The following RGS9 variants were observed in gnomAD, a reference collection of about 807,000 sequenced individuals.
RGS9 encodes the protein regulator of G protein signaling 9, also known as regulator of G-protein signalling 9.
Under a neutral mutation model 102.0 loss-of-function variants are expected in RGS9, and 78 were observed. That is an observed-to-expected ratio of 0.76 (90% CI 0.64 to 0.92). RGS9 has a LOEUF of 0.92. Among genes scored for constraint, RGS9 ranks in the 40% least tolerant of loss-of-function variants. The pLI, the probability that RGS9 is intolerant of heterozygous loss-of-function variation, is 0.00. For synonymous variants in RGS9, 353 were observed against 318.6 expected (o/e 1.11, Z -1.15); for missense variants, 833 against 866.1 (o/e 0.96, Z 0.48).
intron 17 of RGS9, among the ~76,000 whole-genome samples, chr17:65,220,654 G>A (rs1913676075): frequency 6.6e-6 from 1 of 152,216 alleles, no homozygotes; most frequent in African/African-American, 2.4e-5. Flanking sequence ...GTGGCCCTCT[G>A]CTCACCTTTC....
chr17:65,177,903 C>A, intron 9 of RGS9, 100 bp downstream of exon 9: 1 of 921,932 alleles, frequency 1.1e-6, no homozygotes, highest in South Asian at 1.3e-5. Flanking sequence ...AACGATATCT[C>A]CTCTTTGAGA....
Position 65,204,214 on chromosome 17 carries a change from C to T in RGS9, c.1116C>T (p.Thr372=), listed in dbSNP as rs1390652060. 6.2e-7 allele frequency: 1 copy of T among 1,613,306 alleles called. No homozygotes were observed. Among genetic ancestry groups the T allele is most frequent in the Admixed American group, 1.7e-5 (1 of 60,028 alleles). ...ARRWINIDGK[T]MDITVKGLKH... Reference sequence around the variant, plus strand: ...GCTGGATCAACATAGATGGCAAAACCATGGACATCACAGTGAAGGGGCTGA... The same window carrying T: ...GCTGGATCAACATAGATGGCAAAACTATGGACATCACAGTGAAGGGGCTGA... The change falls in exon 15 of 19, where the codon ACC becomes ACT. Residue 372 remains threonine (T), a synonymous_variant. Coordinates refer to ENST00000262406, the MANE Select transcript of RGS9 (RefSeq NM_003835.4).
In RGS9 at chr17:65,169,643, T is replaced by C. The variant is rs75194144; in HGVS notation, c.582+1362T>C. Among the ~76,000 whole-genome samples, 128 of 152,370 alleles carry C rather than the reference T, an allele frequency of 8.4e-4. 3 individuals are homozygous for C. In the East Asian group the frequency reaches 0.024, roughly 28 times the overall value. ...CTCACTGTGCGAATGCCTATGTGAC[T>C]ACATTCCTTGCAAAGTGACATAGAC... On this transcript the variant is annotated intron_variant, in intron 8 of 18. Coordinates refer to ENST00000262406, the MANE Select transcript of RGS9 (RefSeq NM_003835.4).
At chr17:65,188,144 A>C (rs1912203507) in intron 9 of RGS9, among the ~76,000 whole-genome samples, 1 of 152,014 alleles carries the variant, frequency 6.6e-6, no homozygotes, top group Admixed American at 6.5e-5. Context: ...AGTTACATGG[A>C]GCAGAAAAGT....
intron 1 of RGS9, among the ~76,000 whole-genome samples, chr17:65,143,369 G>C (rs1399245180): frequency 1.3e-5 from 2 of 152,222 alleles, no homozygotes; most frequent in African/African-American, 2.4e-5. Context: ...GATAGTCCAG[G>C]AAGGGGGTTA....
chr17:65,185,363 A>C (rs893470159), intron 9 of RGS9: 1 of 152,448 alleles, frequency 6.6e-6, no homozygotes, highest in African/African-American at 2.4e-5. Context: ...TTGAAGTGAA[A>C]GATCATCAAA....
chr17:65,138,190 G>A (rs1311106547), intron 1 of RGS9, among the ~76,000 whole-genome samples: 1 of 152,234 alleles, frequency 6.6e-6, no homozygotes, highest in Non-Finnish European at 1.5e-5. Flanking sequence ...GTGCACACAG[G>A]ATGGACATGT....
At chr17:65,151,423 A>C (rs1057428885) in intron 1 of RGS9, among the ~76,000 whole-genome samples, 1 of 152,186 alleles carries the variant, frequency 6.6e-6, no homozygotes, top group African/African-American at 2.4e-5. Flanking sequence ...TTAATAATAA[A>C]AATGAAAAAA....
At chr17:65,137,655 G>T in intron 1 of RGS9, 58 bp downstream of exon 1, 1 of 1,568,924 alleles carries the variant, frequency 6.4e-7, no homozygotes, top group South Asian at 1.1e-5. Context: ...CATCTGCGAA[G>T]CGTCCGAGGA....
At chr17:65,150,211 T>C (rs1910524574) in intron 1 of RGS9, among the ~76,000 whole-genome samples, 1 of 152,212 alleles carries the variant, frequency 6.6e-6, no homozygotes, top group Admixed American at 6.5e-5. Flanking sequence ...AAGGGCTTTG[T>C]TTCCCGCTGC....
At chr17:65,170,357 T>G (rs1911368352) in intron 8 of RGS9, among the ~76,000 whole-genome samples, 1 of 152,204 alleles carries the variant, frequency 6.6e-6, no homozygotes, top group Non-Finnish European at 1.5e-5. Context: ...CTGGCCGCCT[T>G]CTGCATTCTT....
chr17:65,209,696 G>A (rs997030244), intron 16 of RGS9, among the ~76,000 whole-genome samples: 12 of 152,192 alleles, frequency 7.9e-5, no homozygotes, highest in Non-Finnish European at 1.6e-4. Context: ...CCCTCTTCAG[G>A]CCTCTTCCCT....
At chr17:65,168,545 CTT>C (rs5821624) in intron 8 of RGS9, among the ~76,000 whole-genome samples, 8,307 of 85,020 alleles carry the variant, frequency 0.098, 587 homozygotes, top group East Asian at 0.42. Context: ...AGGGCTGGGA[CTT>C]TTTTTTTTTT....
chr17:65,147,433 A>G (rs1910407371), intron 1 of RGS9, among the ~76,000 whole-genome samples: 1 of 152,064 alleles, frequency 6.6e-6, no homozygotes, highest in Non-Finnish European at 1.5e-5. Context: ...GCATCAAGTT[A>G]GGTCATGGTC....
intron 1 of RGS9, among the ~76,000 whole-genome samples, chr17:65,139,482 C>G (rs1910074515): frequency 6.6e-6 from 1 of 152,118 alleles, no homozygotes; most frequent in Admixed American, 6.5e-5. Context: ...CACACCTGCC[C>G]TCTGGGAAAC....
chr17:65,190,392 A>T (rs1379511707), intron 11 of RGS9, among the ~76,000 whole-genome samples, 156 bp downstream of exon 11: 1 of 152,202 alleles, frequency 6.6e-6, no homozygotes, highest in Non-Finnish European at 1.5e-5. Flanking sequence ...TTCCTAGTTC[A>T]TCCCTCAGAA....
intron 1 of RGS9, among the ~76,000 whole-genome samples, chr17:65,150,159 C>T (rs1236736925): frequency 6.6e-6 from 1 of 152,178 alleles, no homozygotes; most frequent in African/African-American, 2.4e-5. Flanking sequence ...CACGCAGCAG[C>T]CCAGACCTCA....
intron 9 of RGS9, among the ~76,000 whole-genome samples, chr17:65,186,688 G>A (rs1031273106): frequency 6.6e-6 from 1 of 152,148 alleles, no homozygotes; most frequent in Non-Finnish European, 1.5e-5. Flanking sequence ...TTGAATCCTG[G>A]CCCATCCAAT....
chr17:65,202,444 T>TGTGTGTGAGAGAGAGA (rs3838367), intron 14 of RGS9, among the ~76,000 whole-genome samples: 1 of 131,708 alleles, frequency 7.6e-6, no homozygotes, highest in Non-Finnish European at 1.6e-5. Context: ...TGTGTGTGTG[T>TGTGTGTGAGAGAGAGA]GAGAGAGAGA....
Sources: gnomAD v4.1 joint callset for allele counts (sites outside exome capture counted in the v4.1 genomes callset) on GRCh38, gnomAD v4.1.1 for gene constraint, MANE v1.5 for transcripts, NCBI Gene and HGNC (gene_info 2026-07-23, HGNC 2026-07-21) for gene names.